Variants in MLLT10 observed in about 807,000 individuals in gnomAD.
MLLT10 encodes the protein MLLT10 histone lysine methyltransferase DOT1L cofactor, also known as protein AF-10.
A neutral mutation model predicts 129.1 loss-of-function variants in MLLT10; 30 were observed. The observed-to-expected ratio is 0.23, with a 90% CI of 0.17 to 0.32. The LOEUF (loss-of-function observed/expected upper bound fraction) is 0.32. MLLT10 is among the 10% of genes least tolerant of loss of function. MLLT10 has a pLI of 1.00. For synonymous variants in MLLT10, 490 were observed against 446.4 expected, an observed-to-expected ratio of 1.10 and a Z score of -1.23; for missense variants, 1,119 against 1,268.3, an observed-to-expected ratio of 0.88 and a Z score of 1.79.
At chr10:21,584,754 GTATA>G (rs765481679) in intron 3 of MLLT10, among the ~76,000 whole-genome samples, 60 of 150,860 alleles carry the variant, frequency 4.0e-4, no homozygotes, top group Non-Finnish European at 6.9e-4. Flanking sequence ...TATAGTGTGT[GTATA>G]TATATATAAA....
At position 21,686,768 on chromosome 10, in the gene MLLT10, G is replaced by A. The variant is rs115434624; in HGVS notation, c.1699+4511G>A. Among the ~76,000 whole-genome samples the A allele has an allele frequency of 3.7e-3, 567 of 152,218 alleles. 4 individuals carry two copies. The highest frequency in any genetic ancestry group is 0.013 in the African/African-American group (557 of 41,534). On this transcript the variant is annotated intron_variant, in intron 13 of 22. Coordinates refer to ENST00000307729, the MANE Select transcript of MLLT10 (RefSeq NM_001195626.3). ...GAGGCCGAGGTGGCAGATCACTTGA[G>A]CTTAGGAGTTTGAGACCAGCCTGCT... is the stretch of plus-strand genomic sequence containing the variant.
chr10:21,730,896 A>G lies in MLLT10; in HGVS notation c.2064-4A>G, dbSNP rs374388552. The G allele has an allele frequency of 1.8e-5, 29 of 1,614,058 alleles. No individual in the cohort carries two copies. Among genetic ancestry groups the G allele is most frequent in the Middle Eastern group, 3.3e-4 (2 of 6,084 alleles). On this transcript the variant is annotated splice_region_variant and splice_polypyrimidine_tract_variant and intron_variant, in intron 16 of 22. Coordinates refer to ENST00000307729, the MANE Select transcript of MLLT10 (RefSeq NM_001195626.3). ...CTTTTTAACTTGAGAATTGTTTTCA[A>G]CAGATCCCCTGTAAGCAGCTTACAG...
At chr10:21,641,378 A>T (rs2047985468) in intron 8 of MLLT10, among the ~76,000 whole-genome samples, 1 of 152,230 alleles carries the variant, frequency 6.6e-6, no homozygotes, top group African/African-American at 2.4e-5. Flanking sequence ...CATAAAAAGG[A>T]TAATTAGAGA....
At chr10:21,734,160 T>C in intron 20 of MLLT10, 31 bp downstream of exon 20, 1 of 1,560,970 alleles carries the variant, frequency 6.4e-7, no homozygotes, top group South Asian at 1.2e-5. Context: ...TTGGGTTTTT[T>C]AGTATAACAG....
intron 13 of MLLT10, chr10:21,708,717 T>C: frequency 1.0e-6 from 1 of 985,428 alleles, no homozygotes; most frequent in Non-Finnish European, 1.2e-6. Flanking sequence ...AGGTCCTTAA[T>C]CACCACGATT....
At chr10:21,575,082 T>C (rs1399796657) in intron 3 of MLLT10, among the ~76,000 whole-genome samples, 1 of 152,192 alleles carries the variant, frequency 6.6e-6, no homozygotes, top group South Asian at 2.1e-4. Flanking sequence ...TACTTTTCTT[T>C]TCATTTCTTC....
intron 10 of MLLT10, 32 bp from the exon 11 acceptor site, chr10:21,673,318 C>CCCTTTT (rs1564622986): frequency 6.5e-6 from 2 of 307,342 alleles, no homozygotes; most frequent in South Asian, 1.4e-4. Flanking sequence ...CACCCCCCAA[C>CCCTTTT]TTTTTTTTTT....
chr10:21,718,296 C>T (rs980582242), intron 14 of MLLT10, among the ~76,000 whole-genome samples: 11 of 151,980 alleles, frequency 7.2e-5, no homozygotes, highest in South Asian at 4.1e-4. Context: ...CTTAACATTG[C>T]GGGAAGAGCG....
At chr10:21,695,003 CCTTCTGCCGCATCTCTCACTTTCT>C (rs1314745211) in intron 13 of MLLT10, among the ~76,000 whole-genome samples, 4 of 151,932 alleles carry the variant, frequency 2.6e-5, no homozygotes, top group African/African-American at 7.3e-5. Context: ...TCTGACTTCG[CCTTCTGCCGCATCTCTCACTTTCT>C]CTTCTGCCGC....
At chr10:21,554,863 C>G (rs1198527614) in intron 3 of MLLT10, among the ~76,000 whole-genome samples, 1 of 151,534 alleles carries the variant, frequency 6.6e-6, no homozygotes, top group Non-Finnish European at 1.5e-5. Flanking sequence ...GCCGTGTTTC[C>G]CAGGCTGGAG....
intron 5 of MLLT10, among the ~76,000 whole-genome samples, chr10:21,596,116 T>C (rs1430500480): frequency 6.6e-6 from 1 of 152,134 alleles, no homozygotes; most frequent in Non-Finnish European, 1.5e-5. Context: ...AAAACCTTTT[T>C]ATTTTGTAAT....
intron 8 of MLLT10, among the ~76,000 whole-genome samples, chr10:21,642,379 G>T (rs964813911): frequency 7.0e-6 from 1 of 143,734 alleles, no homozygotes; most frequent in Non-Finnish European, 1.5e-5. Flanking sequence ...AGAAGTAGCC[G>T]GGCGCGGTGG....
intron 3 of MLLT10, among the ~76,000 whole-genome samples, chr10:21,584,545 C>A (rs2041808722): frequency 6.6e-6 from 1 of 151,924 alleles, no homozygotes; most frequent in South Asian, 2.1e-4. Context: ...AACTCCTGAC[C>A]TCAAGTGGTC....
chr10:21,668,981 A>C (rs1292365649), intron 9 of MLLT10: 1 of 1,364,886 alleles, frequency 7.3e-7, no homozygotes, highest in African/African-American at 1.4e-5. Flanking sequence ...AATTGGAAAA[A>C]GTATTTGAAA....
At chr10:21,695,922 GTGGTTTT>G (rs1238629017) in intron 13 of MLLT10, among the ~76,000 whole-genome samples, 1 of 147,126 alleles carries the variant, frequency 6.8e-6, no homozygotes, top group African/African-American at 2.5e-5. Context: ...TCCCTATGAT[GTGGTTTT>G]TGGGTGATTT....
chr10:21,651,689 A>T lies in MLLT10; in HGVS notation c.716A>T (p.Asp239Val). 6.2e-7 allele frequency: 1 copy of T among 1,613,154 alleles called. No individual in the cohort carries two copies. The highest frequency in any genetic ancestry group is 8.5e-7 in the Non-Finnish European group (1 of 1,179,372). The part of the protein sequence containing the change: ...EKEKKKYKEK[D>V]KHKQKHKKQP... ...CGTTTTTAGAAATATAAAGAGAAGG[A>T]CAAACACAAACAGAAACACAAGAAG... is the stretch of plus-strand genomic sequence containing the variant. The change falls in exon 9 of 23, where the codon GAC becomes GTC. Residue 239 changes from aspartate to valine, a missense_variant. Transcript: ENST00000307729.
intron 3 of MLLT10, among the ~76,000 whole-genome samples, chr10:21,548,806 C>G (rs1250777746): frequency 6.6e-6 from 1 of 151,868 alleles, no homozygotes; most frequent in Non-Finnish European, 1.5e-5. Context: ...CAATTTGTCT[C>G]TTTTTTCAGG....
At chr10:21,591,296 C>T (rs555311055) in intron 4 of MLLT10, among the ~76,000 whole-genome samples, 2 of 152,148 alleles carry the variant, frequency 1.3e-5, no homozygotes, top group South Asian at 2.1e-4. Context: ...TGAGCTCCAG[C>T]GATTAACAGG....
At chr10:21,598,298 C>G (rs1297127891) in intron 5 of MLLT10, among the ~76,000 whole-genome samples, 2 of 152,182 alleles carry the variant, frequency 1.3e-5, no homozygotes, top group African/African-American at 4.8e-5. Context: ...TTTAAGCTGG[C>G]TTCTGTGTCT....
Sources: allele counts gnomAD v4.1 joint callset (sites outside exome capture counted in the v4.1 genomes callset), GRCh38; gene constraint gnomAD v4.1.1; transcripts MANE v1.5; gene names NCBI Gene and HGNC (gene_info 2026-07-23, HGNC 2026-07-21).